The following THADA variants were observed in gnomAD, a reference collection of about 807,000 sequenced individuals.
THADA encodes tRNA (32-2'-O)-methyltransferase regulator THADA.
Under a neutral mutation model 219.8 loss-of-function variants are expected in THADA, and 213 were observed. The ratio of observed to expected loss-of-function variants is 0.97; its 90% CI spans 0.87 to 1.09. THADA has a LOEUF of 1.09. Among genes scored for constraint, THADA ranks in the 50% least tolerant of loss-of-function variants. The pLI is 0.00. For synonymous variants in THADA, 1,018 were observed against 828.9 expected (o/e 1.23, Z -3.92); for missense variants, 2,956 against 2,311.3 (o/e 1.28, Z -5.72).
At chr2:43,462,901 T>G (rs1683805618) in intron 26 of THADA, 1 of 152,168 alleles carries the variant, frequency 6.6e-6, no homozygotes, top group Non-Finnish European at 1.5e-5. Context: ...CAGAGACATG[T>G]GGTTAACATT....
chr2:43,521,244 G>A lies in THADA; in HGVS notation c.3374+6635C>T, dbSNP rs375484205. Among the ~76,000 whole-genome samples the A allele has an allele frequency of 1.1e-4, 13 of 121,372 alleles. No homozygotes were observed. In the South Asian group the frequency reaches 1.1e-3, roughly 10 times the overall value. 79.6% of individuals were successfully genotyped at this position (121,372 alleles called of 152,430 possible). ...GGCAGGCAGACAAGAAGGCAGGCAG[G>A]CAGGCAGATGCACAAAAAGAGGTAG... On this transcript the variant is annotated intron_variant, in intron 22 of 37. Transcript: ENST00000405975.
At chr2:43,379,253 T>C (rs999162178) in intron 29 of THADA, among the ~76,000 whole-genome samples, 1 of 151,964 alleles carries the variant, frequency 6.6e-6, no homozygotes, top group Non-Finnish European at 1.5e-5. Context: ...CTTAAAAAGA[T>C]AGAGATGGAG....
chr2:43,563,240 T>C (rs1351633310), intron 15 of THADA: 1 of 152,210 alleles, frequency 6.6e-6, no homozygotes, highest in Non-Finnish European at 1.5e-5. Context: ...TTTTCGTACG[T>C]TGTATTTTTG....
chr2:43,233,824 G>A (rs1667722486), intron 36 of THADA, among the ~76,000 whole-genome samples: 2 of 152,072 alleles, frequency 1.3e-5, no homozygotes, highest in African/African-American at 4.8e-5. Context: ...TGAAACACGG[G>A]ACTGAAAGCC....
intron 25 of THADA, among the ~76,000 whole-genome samples, chr2:43,498,506 T>TTTTTTAA: frequency 6.6e-6 from 1 of 152,142 alleles, no homozygotes; most frequent in Admixed American, 6.5e-5. Flanking sequence ...GAAACAGAAG[T>TTTTTTAA]GCACTATTAT....
chr2:43,273,243 A>C (rs1318242454), intron 36 of THADA, among the ~76,000 whole-genome samples: 2 of 150,930 alleles, frequency 1.3e-5, no homozygotes, highest in African/African-American at 2.4e-5. Context: ...CAAGAGTGAA[A>C]CTCTGTCTCA....
intron 31 of THADA, among the ~76,000 whole-genome samples, chr2:43,313,070 T>A (rs1677691611): frequency 1.3e-5 from 2 of 152,258 alleles, no homozygotes; most frequent in African/African-American, 4.8e-5. Context: ...GAAATTAATA[T>A]GTCATAAAAA....
At chr2:43,284,518 G>A (rs535386677) in intron 35 of THADA, among the ~76,000 whole-genome samples, 1 of 152,222 alleles carries the variant, frequency 6.6e-6, no homozygotes, top group Non-Finnish European at 1.5e-5. Context: ...GGGAACCTCT[G>A]CCTAAAGTTC....
At position 43,498,905 on chromosome 2, in the gene THADA, T is replaced by G; in HGVS notation, c.3672A>C (p.Gly1224=). The G allele has an allele frequency of 1.2e-6, 2 of 1,601,872 alleles. No individual in the cohort carries two copies. Among genetic ancestry groups the G allele is most frequent in the South Asian group, 2.3e-5 (2 of 88,460 alleles). ...CAGCAACATAAGGAATAATATTTTC[T>G]CCCAGGCGCGTATCTCTGAACAATG... ...LRALFRDTRL[G]ENIIPYVADG... is the part of the protein sequence containing the mutation. Residue 1224 remains glycine, a synonymous_variant, in exon 25 of 38, where the codon GGA becomes GGC. Coordinates refer to ENST00000405975, the MANE Select transcript of THADA (RefSeq NM_022065.5).
chr2:43,346,665 A>C (rs779627373), intron 29 of THADA, among the ~76,000 whole-genome samples: 8 of 152,190 alleles, frequency 5.3e-5, no homozygotes, highest in Non-Finnish European at 1.0e-4. Flanking sequence ...ATTGGCAAAC[A>C]TTGTCAACAA....
chr2:43,351,314 C>A (rs1668226709), intron 29 of THADA, among the ~76,000 whole-genome samples: 1 of 152,186 alleles, frequency 6.6e-6, no homozygotes, highest in South Asian at 2.1e-4. Flanking sequence ...CTTTACGAAC[C>A]TATTCTGTGG....
At chr2:43,300,852 T>C (rs1676175658) in intron 31 of THADA, among the ~76,000 whole-genome samples, 1 of 152,184 alleles carries the variant, frequency 6.6e-6, no homozygotes, top group Non-Finnish European at 1.5e-5. Flanking sequence ...GAAGGGCTTG[T>C]GAAACCACGG....
chr2:43,460,912 T>C (rs909457401), intron 26 of THADA, among the ~76,000 whole-genome samples: 4 of 152,172 alleles, frequency 2.6e-5, no homozygotes, highest in Admixed American at 1.3e-4. Flanking sequence ...AAGCTTGGCA[T>C]TGCAGAACAG....
At chr2:43,566,538 T>C in intron 15 of THADA, 160 bp downstream of exon 15, 1 of 836,366 alleles carries the variant, frequency 1.2e-6, no homozygotes, top group Non-Finnish European at 2.0e-6. Context: ...CTTCTGTCCT[T>C]TACTAGCAAA....
intron 28 of THADA, among the ~76,000 whole-genome samples, chr2:43,417,853 C>T (rs1677189546): frequency 6.6e-6 from 1 of 152,150 alleles, no homozygotes; most frequent in South Asian, 2.1e-4. Context: ...TTCCTACTGC[C>T]CAACATTCCC....
intron 30 of THADA, among the ~76,000 whole-genome samples, chr2:43,337,681 TCA>T: frequency 6.8e-6 from 1 of 146,890 alleles, no homozygotes; most frequent in African/African-American, 2.5e-5. Context: ...TAACCCACAA[TCA>T]CACACACTCA....
At chr2:43,463,309 C>T (rs1222392311) in intron 26 of THADA, 2 of 152,184 alleles carry the variant, frequency 1.3e-5, no homozygotes, top group East Asian at 3.8e-4. Flanking sequence ...GACCAGCCCT[C>T]AAAACAGATC....
intron 29 of THADA, among the ~76,000 whole-genome samples, chr2:43,346,083 G>A (rs575441416): frequency 6.6e-6 from 1 of 152,180 alleles, no homozygotes; most frequent in South Asian, 2.1e-4. Flanking sequence ...AGCCAGGTAC[G>A]CTGAAAAGAA....
At chr2:43,232,226 T>C (rs920911492) in intron 37 of THADA, among the ~76,000 whole-genome samples, 5 of 151,880 alleles carry the variant, frequency 3.3e-5, no homozygotes, top group African/African-American at 1.2e-4. Context: ...TTGCCCAGGC[T>C]GGAGTGCAGT....
Sources: allele counts gnomAD v4.1 joint callset (sites outside exome capture counted in the v4.1 genomes callset), GRCh38; gene constraint gnomAD v4.1.1; transcripts MANE v1.5; gene names NCBI Gene and HGNC (gene_info 2026-07-23, HGNC 2026-07-21).